The following DNAH8 variants were observed in gnomAD, a reference collection of about 807,000 sequenced individuals.
DNAH8 encodes the protein axonemal beta dynein heavy chain 8.
In DNAH8, 382 loss-of-function variants were observed where a neutral mutation model predicts 562.1. That is an observed-to-expected ratio of 0.68 (90% CI 0.63 to 0.74). The LOEUF (loss-of-function observed/expected upper bound fraction) is 0.74. Among genes scored for constraint, DNAH8 ranks in the 30% least tolerant of loss-of-function variants. The pLI is 0.00. For missense variants in DNAH8, 5,203 were observed against 5,620.4 expected (o/e 0.93, Z 2.37); for synonymous variants, 1,881 against 1,919.4 (o/e 0.98, Z 0.52).
Position 38,938,166 on chromosome 6 carries a change from A to G in DNAH8, c.11756A>G (p.Asn3919Ser), listed in dbSNP as rs144714552. ...CTCATCACAGAGATGAGCATGGTCAACATCATGTATCAGACGTCATTGGCC... is the reference window on the plus strand; with the variant it reads ...CTCATCACAGAGATGAGCATGGTCAGCATCATGTATCAGACGTCATTGGCC... ...YFLITEMSMV[N>S]IMYQTSLAQF... Residue 3919 changes from asparagine (N) to serine (S), a missense_variant, in exon 78 of 93, where the codon AAC becomes AGC. This residue lies in a region of DNAH8 where 1,399 missense variants were observed against 1,518.4 expected (regional missense o/e 0.92). Coordinates refer to ENST00000327475, the MANE Select transcript of DNAH8 (RefSeq NM_001206927.2). 57 of 1,614,076 alleles carry G rather than the reference A, an allele frequency of 3.5e-5. 1 individual carries two copies. The African/African-American group carries it at 6.7e-4, about 19-fold the overall frequency.
chr6:38,881,235 G>C (rs1180645602), intron 53 of DNAH8, among the ~76,000 whole-genome samples: 6 of 152,132 alleles, frequency 3.9e-5, no homozygotes, highest in Non-Finnish European at 2.9e-5. Flanking sequence ...ACTTTCTCAA[G>C]AAAACATGAA....
At chr6:38,969,989 CACTT>C (rs1210489578) in intron 82 of DNAH8, among the ~76,000 whole-genome samples, 2 of 151,962 alleles carry the variant, frequency 1.3e-5, no homozygotes, top group Non-Finnish European at 2.9e-5. Context: ...AGGTGGCGGT[CACTT>C]ACACCAGGAA....
chr6:38,847,212 T>G (rs1775370573), intron 36 of DNAH8, among the ~76,000 whole-genome samples: 1 of 152,180 alleles, frequency 6.6e-6, no homozygotes, highest in African/African-American at 2.4e-5. Context: ...CCACACAAAG[T>G]TGTACAATGC....
intron 22 of DNAH8, among the ~76,000 whole-genome samples, chr6:38,803,760 C>CT (rs777460869): frequency 0.02 from 2,876 of 145,344 alleles, 34 homozygotes; most frequent in Admixed American, 0.032. Context: ...TGTTTTAAGA[C>CT]TTTTTTTTTT....
chr6:38,846,951 A>C (rs4143447), intron 36 of DNAH8, among the ~76,000 whole-genome samples: 1 of 152,198 alleles, frequency 6.6e-6, no homozygotes, highest in Non-Finnish European at 1.5e-5. Flanking sequence ...AAGTCATCAA[A>C]TTCTGGGAGA....
In DNAH8 at chr6:38,722,836, C is replaced by G; in HGVS notation, c.27C>G (p.Ala9=). 6.3e-7 allele frequency: 1 copy of G among 1,598,484 alleles called. No individual in the cohort carries two copies. Among genetic ancestry groups the G allele is most frequent in the Non-Finnish European group, 8.5e-7 (1 of 1,173,108 alleles). ...TGGAGAAGGATGCTGAAGATGGCGC[C>G]CCTTCTGAGGGAGCAGAGGCTCCTC... The part of the protein sequence containing the change: MEKDAEDG[A]PSEGAEAPPS... Residue 9 remains alanine (A), a synonymous_variant, in exon 2 of 93, where the codon GCC becomes GCG. Coordinates refer to ENST00000327475, the MANE Select transcript of DNAH8 (RefSeq NM_001206927.2).
chr6:38,727,713 T>C (rs867755734), intron 3 of DNAH8, among the ~76,000 whole-genome samples: 3 of 152,320 alleles, frequency 2.0e-5, no homozygotes, highest in South Asian at 4.1e-4. Context: ...CCCCTTTGGG[T>C]GTGACTCCTT....
At position 38,857,560 on chromosome 6, in the gene DNAH8, G is replaced by C. The variant is rs1479487059; in HGVS notation, c.5776G>C (p.Glu1926Gln). The C allele has an allele frequency of 6.2e-7, 1 of 1,613,890 alleles. No homozygotes were observed. The highest frequency in any genetic ancestry group is 1.1e-5 in the South Asian group (1 of 91,064). The part of the protein sequence containing the change: ...GIQMLWTHDS[E>Q]EALRNAKDDR... ...TCAGATGTTGTGGACACACGATTCA[G>C]AAGAGGCTTTACGTAATGCAAAAGA... The change falls in exon 42 of 93, where the codon GAA becomes CAA. Residue 1926 changes from glutamate (E) to glutamine (Q), a missense_variant. By Grantham distance (29) the Glu-to-Gln change is conservative. Around this residue, in one of 6 missense-constraint regions of DNAH8, gnomAD observed 2,176 missense variants for 2,365.1 expected, o/e 0.92. Transcript: ENST00000327475.
chr6:38,723,126 C>T lies in DNAH8; in HGVS notation c.317C>T (p.Ser106Phe), dbSNP rs779374597. ...TCGGAAGTGCTGTCCTTGCCGTCTT[C>T]CCGGAGGTCCTCCAGATACCGCCGG... ...VISEVLSLPS[S>F]RRSSRYRRSM... The change falls in exon 2 of 93, where the codon TCC becomes TTC. Residue 106 changes from serine (S) to phenylalanine (F), a missense_variant. By Grantham distance (155) the Ser-to-Phe change is radical. Around this residue, in one of 6 missense-constraint regions of DNAH8, gnomAD observed 556 missense variants for 496.9 expected, o/e 1.12. Coordinates refer to ENST00000327475, the MANE Select transcript of DNAH8 (RefSeq NM_001206927.2). 2 of 1,612,800 alleles carry T rather than the reference C, an allele frequency of 1.2e-6. No individual in the cohort carries two copies. Among genetic ancestry groups the T allele is most frequent in the Non-Finnish European group, 1.7e-6 (2 of 1,179,884 alleles).
intron 66 of DNAH8, among the ~76,000 whole-genome samples, chr6:38,913,464 T>C (rs1175083343): frequency 6.6e-6 from 1 of 152,238 alleles, no homozygotes; most frequent in Admixed American, 6.5e-5. Context: ...ATATTTTCTA[T>C]TTCATTTGCC....
chr6:38,997,891 G>A (rs1300412791), intron 88 of DNAH8, among the ~76,000 whole-genome samples: 2 of 152,156 alleles, frequency 1.3e-5, no homozygotes, highest in Admixed American at 1.3e-4. Context: ...CCGAATAGCT[G>A]GAACTACAGG....
intron 72 of DNAH8, 46 bp from the exon 73 acceptor site, chr6:38,923,945 G>A (rs1252503730): frequency 6.2e-7 from 1 of 1,603,868 alleles, no homozygotes; most frequent in East Asian, 2.2e-5. Context: ...ACAACTTAAT[G>A]TCAGGTGACT....
intron 85 of DNAH8, among the ~76,000 whole-genome samples, chr6:38,980,312 TA>T (rs1302149308): frequency 6.6e-6 from 1 of 152,022 alleles, no homozygotes; most frequent in East Asian, 1.9e-4. Context: ...TGAAACATCT[TA>T]AAAAACCCAC....
At chr6:39,022,559 A>AGCCCTGCCCT (rs1257745381) in intron 91 of DNAH8, among the ~76,000 whole-genome samples, 70 of 152,282 alleles carry the variant, frequency 4.6e-4, no homozygotes, top group Non-Finnish European at 7.4e-4. Flanking sequence ...CTGCCTGCCC[A>AGCCCTGCCCT]GCCCTGCCCT....
intron 14 of DNAH8, among the ~76,000 whole-genome samples, chr6:38,779,414 C>T (rs1768372002): frequency 6.6e-6 from 1 of 151,990 alleles, no homozygotes; most frequent in South Asian, 2.1e-4. Context: ...TCTCTTTTTA[C>T]CTGTAGTATG....
rs562900966 is a variant in DNAH8, at chr6:38,826,159, C to T, written c.3851C>T (p.Pro1284Leu). Residue 1284 changes from proline to leucine, a missense_variant, in exon 29 of 93, where the codon CCG (proline) becomes CTG (leucine). Transcript: ENST00000327475. ...AATTTCTTCTTGTCTTCATCAGAGC[C>T]GATGAAATTGGCCTTATCCATCGAG... Reference protein sequence around the residue: ...VVGALELHTEPMKLALSIEAK... With the variant: ...VVGALELHTELMKLALSIEAK... The T allele has an allele frequency of 6.5e-5, 103 of 1,586,900 alleles. 2 individuals carry two copies. The highest frequency in any genetic ancestry group is 3.4e-4 in the Middle Eastern group (2 of 5,940).
chr6:38,758,466 A>G (rs1766149964), intron 10 of DNAH8, among the ~76,000 whole-genome samples: 1 of 152,056 alleles, frequency 6.6e-6, no homozygotes. Flanking sequence ...CAATCATGTC[A>G]TCTGCAAACA....
chr6:38,933,118 CAGTT>C (rs760807464), intron 76 of DNAH8, among the ~76,000 whole-genome samples: 1 of 152,188 alleles, frequency 6.6e-6, no homozygotes. Flanking sequence ...TAACTGTTGA[CAGTT>C]AGTCCCTTGT....
chr6:38,948,961 T>C (rs1276327731), intron 80 of DNAH8, among the ~76,000 whole-genome samples: 2 of 152,300 alleles, frequency 1.3e-5, no homozygotes, highest in East Asian at 3.9e-4. Flanking sequence ...GTTATCAGAA[T>C]GGTCTGTCAG....
Sources: allele counts gnomAD v4.1 joint callset (sites outside exome capture counted in the v4.1 genomes callset), GRCh38; gene constraint gnomAD v4.1.1; regional missense constraint gnomAD v4.1.1; transcripts MANE v1.5; gene names NCBI Gene and HGNC (gene_info 2026-07-23, HGNC 2026-07-21).